The following HHLA1 variants were observed in gnomAD, a reference collection of about 807,000 sequenced individuals.
HHLA1 encodes HERV-H LTR-associating protein 1.
A neutral mutation model predicts 69.9 loss-of-function variants in HHLA1; 72 were observed. That is an observed-to-expected ratio of 1.03 (90% CI 0.85 to 1.25). HHLA1 has a LOEUF of 1.25. Ranked by LOEUF, HHLA1 falls within the 50% of genes most tolerant of loss-of-function variation. The pLI, the probability that HHLA1 is intolerant of heterozygous loss-of-function variation, is 0.00. For synonymous variants in HHLA1, 252 were observed against 233.2 expected (o/e 1.08, Z -0.73); for missense variants, 685 against 642.2 (o/e 1.07, Z -0.72).
At chr8:132,073,059 G>T (rs1823575527) in intron 14 of HHLA1, among the ~76,000 whole-genome samples, 1 of 152,076 alleles carries the variant, frequency 6.6e-6, no homozygotes, top group African/African-American at 2.4e-5. Context: ...TAATATCTTT[G>T]ACATGTTGAC....
Position 132,076,535 on chromosome 8 carries a change from T to C in HHLA1, c.1180A>G (p.Thr394Ala), listed in dbSNP as rs778089926. 6 of 1,491,978 alleles carry C rather than the reference T, an allele frequency of 4.0e-6. No individual in the cohort carries two copies. Among genetic ancestry groups the C allele is most frequent in the Non-Finnish European group, 5.4e-6 (6 of 1,115,156 alleles). The allele number at this position is 1,491,978 out of a possible 1,614,324, so 92.4% of individuals were successfully genotyped here. A position where few individuals can be genotyped will look rare whatever the true frequency, so the allele number is the denominator to read the frequency against. The change falls in exon 13 of 17, where the codon ACC becomes GCC. Residue 394 changes from threonine to alanine, a missense_variant. Physicochemically the swap from Thr to Ala is moderately conservative, Grantham distance 58. Coordinates refer to ENST00000414222, the MANE Select transcript of HHLA1 (RefSeq NM_001145095.3). ...GGACTCGGAGTCTGTGTGCCATGGG[T>C]GAATGCTCCTGGGAGGAGATGAGAG... ...SQASPTLGAF[T>A]HGTQTPSPTK... is the part of the protein sequence containing the mutation.
chr8:132,078,968 T>G (rs988295319), intron 11 of HHLA1, among the ~76,000 whole-genome samples: 1 of 152,240 alleles, frequency 6.6e-6, no homozygotes, highest in Non-Finnish European at 1.5e-5. Context: ...GTGCACAACT[T>G]GCAGGTTTGT....
intron 3 of HHLA1, 103 bp from the exon 4 acceptor site, chr8:132,100,237 T>A: frequency 1.3e-6 from 1 of 791,096 alleles, no homozygotes; most frequent in Non-Finnish European, 2.2e-6. Flanking sequence ...GCTCTCCGTG[T>A]GAGAGTCACT....
intron 3 of HHLA1, among the ~76,000 whole-genome samples, chr8:132,101,969 AATTTCATACTC>A (rs1824118072): frequency 6.6e-6 from 1 of 152,206 alleles, no homozygotes; most frequent in Non-Finnish European, 1.5e-5. Context: ...GTGTAACCGA[AATTTCATACTC>A]ATTGAACAAC....
intron 1 of HHLA1, among the ~76,000 whole-genome samples, chr8:132,108,986 C>T (rs1030747077): frequency 1.3e-5 from 2 of 152,104 alleles, no homozygotes; most frequent in African/African-American, 4.8e-5. Context: ...GTCTGATGGC[C>T]CTTTTAGGGT....
At chr8:132,110,262 C>T (rs768003953) in intron 1 of HHLA1, among the ~76,000 whole-genome samples, 18 of 152,132 alleles carry the variant, frequency 1.2e-4, no homozygotes, top group African/African-American at 1.9e-4. Flanking sequence ...TACGACGGTC[C>T]GTTCAGCCAG....
At chr8:132,076,186 C>T in intron 13 of HHLA1, 57 bp from the exon 14 acceptor site, 3 of 1,195,784 alleles carry the variant, frequency 2.5e-6, no homozygotes, top group Non-Finnish European at 3.6e-6. Context: ...TTAGGTGATA[C>T]ACACAGCAAG....
intron 11 of HHLA1, 99 bp from the exon 12 acceptor site, chr8:132,078,070 A>G (rs1823678025): frequency 7.7e-7 from 1 of 1,304,742 alleles, no homozygotes; most frequent in Non-Finnish European, 1.1e-6. Flanking sequence ...CAAAGGGCAA[A>G]TGCAATGTGA....
chr8:132,065,823 A>T, intron 16 of HHLA1, 63 bp downstream of exon 16: 1 of 742,198 alleles, frequency 1.3e-6, no homozygotes, highest in Non-Finnish European at 2.1e-6. Flanking sequence ...ACTCAGATTT[A>T]CAGGACCCTT....
At chr8:132,084,213 G>A (rs978132796) in intron 10 of HHLA1, among the ~76,000 whole-genome samples, 1 of 152,092 alleles carries the variant, frequency 6.6e-6, no homozygotes, top group African/African-American at 2.4e-5. Flanking sequence ...GGTGTGAGGA[G>A]GGGAGGTGAT....
chr8:132,110,680 C>T (rs749018224), intron 1 of HHLA1, among the ~76,000 whole-genome samples: 2 of 152,210 alleles, frequency 1.3e-5, no homozygotes, highest in Non-Finnish European at 2.9e-5. Context: ...TGCCAAAATC[C>T]ATTGCAGGTT....
At chr8:132,070,863 C>CA (rs1194658631) in intron 15 of HHLA1, among the ~76,000 whole-genome samples, 1 of 152,070 alleles carries the variant, frequency 6.6e-6, no homozygotes, top group African/African-American at 2.4e-5. Context: ...CAACTCAACA[C>CA]AACTCAACTC....
chr8:132,082,334 G>C (rs956232716), intron 10 of HHLA1, among the ~76,000 whole-genome samples: 1 of 152,174 alleles, frequency 6.6e-6, no homozygotes, highest in Non-Finnish European at 1.5e-5. Flanking sequence ...CAGACATGAG[G>C]GCTAGGCTAA....
chr8:132,101,732 C>T (rs1824114512), intron 3 of HHLA1, among the ~76,000 whole-genome samples: 1 of 152,048 alleles, frequency 6.6e-6, no homozygotes, highest in Non-Finnish European at 1.5e-5. Flanking sequence ...CACCACCACG[C>T]CTGGCTATTA....
intron 15 of HHLA1, among the ~76,000 whole-genome samples, chr8:132,070,754 A>C (rs1410974311): frequency 2.0e-5 from 3 of 151,832 alleles, no homozygotes; most frequent in Non-Finnish European, 4.4e-5. Flanking sequence ...AACTCAACAC[A>C]ACTCAACTCA....
intron 13 of HHLA1, 140 bp from the exon 14 acceptor site, chr8:132,076,269 AT>A: frequency 1.3e-6 from 1 of 764,454 alleles, no homozygotes; most frequent in Non-Finnish European, 2.1e-6. Context: ...AGGGGAAGTG[AT>A]TTATGGAAGA....
chr8:132,108,291 C>A (rs933781116), intron 1 of HHLA1, among the ~76,000 whole-genome samples: 3 of 152,042 alleles, frequency 2.0e-5, no homozygotes, highest in East Asian at 3.9e-4. Flanking sequence ...AAAGTAATGG[C>A]GAAAACCTCA....
At chr8:132,085,198 C>T (rs1423993077) in intron 10 of HHLA1, among the ~76,000 whole-genome samples, 1 of 152,132 alleles carries the variant, frequency 6.6e-6, no homozygotes, top group Non-Finnish European at 1.5e-5. Context: ...GATTAAACAC[C>T]AAGGGAAGGC....
intron 6 of HHLA1, 39 bp from the exon 7 acceptor site, chr8:132,095,641 A>G (rs995833003): frequency 6.5e-7 from 1 of 1,531,252 alleles, no homozygotes; most frequent in Non-Finnish European, 8.9e-7. Context: ...CCTAACACAC[A>G]GACCAGCCCT....
Sources: gnomAD v4.1 joint callset for allele counts (sites outside exome capture counted in the v4.1 genomes callset) on GRCh38, gnomAD v4.1.1 for gene constraint, MANE v1.5 for transcripts, NCBI Gene and HGNC (gene_info 2026-07-23, HGNC 2026-07-21) for gene names.